Variants in NKAIN2 observed in about 807,000 individuals in gnomAD.
NKAIN2 encodes the protein sodium/potassium-transporting ATPase subunit beta-1-interacting protein 2.
NKAIN2 carries 14 observed loss-of-function variants against 32.6 expected under a neutral mutation model. The ratio of observed to expected loss-of-function variants is 0.43; its 90% CI spans 0.28 to 0.67. The LOEUF (loss-of-function observed/expected upper bound fraction) is 0.67. Ranked by LOEUF, NKAIN2 falls within the 30% of genes least tolerant of loss-of-function variation. NKAIN2 has a pLI of 0.17. For missense variants in NKAIN2, 198 were observed against 258.3 expected (o/e 0.77, Z 1.60); for synonymous variants, 80 against 87.2 (o/e 0.92, Z 0.46).
rs1403487861 is a variant in NKAIN2 at position 123,860,544 on chromosome 6, G to A, written c.54+56290G>A. Among the ~76,000 whole-genome samples the A allele has an allele frequency of 2.0e-5, 3 of 152,138 alleles. No individual in the cohort carries two copies. The East Asian group carries it at 5.9e-4, about 30-fold the overall frequency. On this transcript the variant is annotated intron_variant, in intron 1 of 6. Coordinates refer to ENST00000368417, the MANE Select transcript of NKAIN2 (RefSeq NM_001040214.3). ...TCACACCTCAGCCTCCTGAGTAGCT[G>A]GGACTAAAGGCACATGCCACCATAC...
chr6:124,340,974 T>C (rs940194525), intron 2 of NKAIN2, among the ~76,000 whole-genome samples: 1 of 152,162 alleles, frequency 6.6e-6, no homozygotes, highest in African/African-American at 2.4e-5. Context: ...TTCAAGAAAA[T>C]TGAATACCTT....
At chr6:124,672,169 T>C (rs563164865) in intron 4 of NKAIN2, among the ~76,000 whole-genome samples, 37 of 152,042 alleles carry the variant, frequency 2.4e-4, no homozygotes, top group Non-Finnish European at 4.9e-4. Flanking sequence ...AGAAGTGAGA[T>C]GAAAGAATTA....
At chr6:124,707,910 C>T (rs1306394554) in intron 4 of NKAIN2, among the ~76,000 whole-genome samples, 1 of 151,954 alleles carries the variant, frequency 6.6e-6, no homozygotes, top group Non-Finnish European at 1.5e-5. Context: ...ACATGAAGTC[C>T]TTGCCCATGC....
At chr6:124,484,031 T>G (rs630352) in intron 3 of NKAIN2, among the ~76,000 whole-genome samples, 119,470 of 152,164 alleles carry the variant, frequency 0.79, 47,010 homozygotes, top group East Asian at 0.85. Context: ...AGGAGCACCA[T>G]ACTAGAGTCA....
chr6:124,361,716 T>A (rs1227689890), intron 3 of NKAIN2, among the ~76,000 whole-genome samples: 1 of 152,070 alleles, frequency 6.6e-6, no homozygotes, highest in Non-Finnish European at 1.5e-5. Flanking sequence ...TGTGGCTTAT[T>A]TAAGCTTTAG....
chr6:124,221,323 A>G lies in NKAIN2; in HGVS notation c.55-61682A>G, dbSNP rs527935524. Reference sequence around the variant, plus strand: ...TCACAAGAACAAAAAACCAAACACCACATATTCTCACTCATAGGTGGGAAT... The same window carrying G: ...TCACAAGAACAAAAAACCAAACACCGCATATTCTCACTCATAGGTGGGAAT... On this transcript the variant is annotated intron_variant, in intron 1 of 6. Transcript: ENST00000368417. Among the ~76,000 whole-genome samples the G allele has an allele frequency of 1.9e-4, 29 of 149,914 alleles. No homozygotes were observed. In the South Asian group the frequency reaches 6.2e-3, roughly 32 times the overall value.
At chr6:124,567,688 G>C (rs1368082004) in intron 3 of NKAIN2, among the ~76,000 whole-genome samples, 1 of 152,196 alleles carries the variant, frequency 6.6e-6, no homozygotes, top group East Asian at 1.9e-4. Flanking sequence ...TGGTTGTCTG[G>C]ATGTTGGTGA....
intron 1 of NKAIN2, among the ~76,000 whole-genome samples, chr6:124,228,805 G>T (rs746890002): frequency 2.0e-4 from 30 of 152,064 alleles, no homozygotes; most frequent in African/African-American, 6.5e-4. Flanking sequence ...TAGTTTTAAC[G>T]TTAAATGGTG....
chr6:124,365,013 G>T (rs1225224768), intron 3 of NKAIN2, among the ~76,000 whole-genome samples: 1 of 151,860 alleles, frequency 6.6e-6, no homozygotes, highest in Non-Finnish European at 1.5e-5. Context: ...GACTAGTAAT[G>T]TCTAGAGTAA....
intron 3 of NKAIN2, among the ~76,000 whole-genome samples, chr6:124,623,920 T>C (rs755951148): frequency 1.3e-5 from 2 of 152,150 alleles, no homozygotes; most frequent in Non-Finnish European, 2.9e-5. Flanking sequence ...TCCCCAGAAA[T>C]GGATCTTGAC....
Position 124,346,612 on chromosome 6 carries a change from C to G in NKAIN2, c.193-8655C>G, listed in dbSNP as rs532040714. Reference sequence around the variant, plus strand: ...AATGGCCTTCTTTGTCTCTTTTGATCTTTGTTGGTTTAAAGTCTGTTTTAT... The same window carrying G: ...AATGGCCTTCTTTGTCTCTTTTGATGTTTGTTGGTTTAAAGTCTGTTTTAT... On this transcript the variant is annotated intron_variant, in intron 2 of 6. Coordinates refer to ENST00000368417, the MANE Select transcript of NKAIN2 (RefSeq NM_001040214.3). Among the ~76,000 whole-genome samples, 2 of 151,834 alleles carry G rather than the reference C, an allele frequency of 1.3e-5. 1 individual carries two copies. Among genetic ancestry groups the G allele is most frequent in the South Asian group, 4.2e-4 (2 of 4,788 alleles).
chr6:124,350,358 G>A (rs1798660501), intron 2 of NKAIN2, among the ~76,000 whole-genome samples: 1 of 151,852 alleles, frequency 6.6e-6, no homozygotes, highest in Admixed American at 6.6e-5. Flanking sequence ...AGGCAACTAG[G>A]CAAAATCCAA....
intron 5 of NKAIN2, among the ~76,000 whole-genome samples, chr6:124,816,955 T>A (rs1582576113): frequency 6.6e-6 from 1 of 152,180 alleles, no homozygotes; most frequent in East Asian, 1.9e-4. Flanking sequence ...CAGTTACCAT[T>A]GCTGCCAAAA....
At chr6:123,849,391 C>T (rs1365716058) in intron 1 of NKAIN2, among the ~76,000 whole-genome samples, 2 of 152,096 alleles carry the variant, frequency 1.3e-5, no homozygotes, top group Non-Finnish European at 2.9e-5. Flanking sequence ...GTGAGAGATC[C>T]TGTAAAATCC....
chr6:123,859,748 T>C (rs1775706726), intron 1 of NKAIN2, among the ~76,000 whole-genome samples: 1 of 152,220 alleles, frequency 6.6e-6, no homozygotes, highest in African/African-American at 2.4e-5. Context: ...TGTAGTGCAG[T>C]GGCACGATCT....
chr6:124,683,350 G>A lies in NKAIN2; in HGVS notation c.474+24964G>A, dbSNP rs1373878464. ...AATGAGACTTTCTCTATATTGCTAT[G>A]TGTTGTCAAACGTCTACGTTTATCT... is the stretch of plus-strand genomic sequence containing the variant. On this transcript the variant is annotated intron_variant, in intron 4 of 6. Transcript: ENST00000368417. Among the ~76,000 whole-genome samples, 6 of 152,256 alleles carry A rather than the reference G, an allele frequency of 3.9e-5. No individual in the cohort carries two copies. The East Asian group carries it at 1.2e-3, about 29-fold the overall frequency.
chr6:124,775,307 A>G (rs546306014), intron 4 of NKAIN2, among the ~76,000 whole-genome samples: 101 of 152,336 alleles, frequency 6.6e-4, no homozygotes, highest in African/African-American at 2.3e-3. Context: ...GGGCCAAGCC[A>G]TTCTGAACCT....
intron 1 of NKAIN2, among the ~76,000 whole-genome samples, chr6:124,163,064 A>AT (rs937870344): frequency 3.3e-5 from 5 of 152,104 alleles, no homozygotes; most frequent in South Asian, 2.1e-4. Flanking sequence ...TCAAATTATG[A>AT]TTTTTTCATC....
chr6:124,659,136 A>G (rs1362914605), intron 4 of NKAIN2, among the ~76,000 whole-genome samples: 1 of 152,186 alleles, frequency 6.6e-6, no homozygotes, highest in Non-Finnish European at 1.5e-5. Flanking sequence ...CATGAGATGT[A>G]TAAAGTTAAG....
Sources: gnomAD v4.1 joint callset for allele counts (sites outside exome capture counted in the v4.1 genomes callset) on GRCh38, gnomAD v4.1.1 for gene constraint, MANE v1.5 for transcripts, NCBI Gene and HGNC (gene_info 2026-07-23, HGNC 2026-07-21) for gene names.